Variants in CPNE2 observed in about 807,000 individuals in gnomAD.
The protein encoded by CPNE2 is copine 2.
CPNE2 carries 42 observed loss-of-function variants against 69.7 expected under a neutral mutation model. That is an observed-to-expected ratio of 0.60 (90% confidence interval 0.47 to 0.78). CPNE2 has a LOEUF of 0.78. Among genes scored for constraint, CPNE2 ranks in the 30% least tolerant of loss-of-function variants. CPNE2 has a pLI of 0.00. For missense variants in CPNE2, 587 were observed against 732.0 expected, an observed-to-expected ratio of 0.80 and a Z score of 2.29; for synonymous variants, 294 against 289.8, an observed-to-expected ratio of 1.01 and a Z score of -0.15.
At chr16:57,119,682 C>T in intron 7 of CPNE2, 32 bp downstream of exon 7, 1 of 1,484,160 alleles carries the variant, frequency 6.7e-7, no homozygotes, top group Non-Finnish European at 9.2e-7. Flanking sequence ...TGCTCCCCAC[C>T]TTGCCAGCTC....
chr16:57,100,125 G>T (rs942406127), intron 1 of CPNE2, among the ~76,000 whole-genome samples: 2 of 151,818 alleles, frequency 1.3e-5, no homozygotes, highest in African/African-American at 4.8e-5. Context: ...GCTGGGTCTC[G>T]AACTCCTGAC....
At chr16:57,124,296 G>T in intron 10 of CPNE2, 1 of 425,336 alleles carries the variant, frequency 2.4e-6, no homozygotes, top group South Asian at 1.6e-5. Context: ...TGCCCAGGCT[G>T]GTCTCAAACT....
chr16:57,146,583 A>T lies in CPNE2; in HGVS notation c.1539+262A>T, dbSNP rs1429274943. The stretch of plus-strand genomic sequence containing the variant: ...GGCATCTAGCCTGAGGCTCTGGGGC[A>T]GGGCTTCCTGGAGGACCTGCCCTCT... On this transcript the variant is annotated intron_variant, in intron 15 of 15. Coordinates refer to ENST00000290776, the MANE Select transcript of CPNE2 (RefSeq NM_152727.6). The surrounding 1 kb of genome is among the most constrained non-coding windows in gnomAD (Gnocchi z 4.4). 2.1e-6 allele frequency: 1 copy of T among 479,880 alleles called. No homozygotes were observed. Among genetic ancestry groups the T allele is most frequent in the Non-Finnish European group, 3.8e-6 (1 of 265,714 alleles). 29.7% of individuals were successfully genotyped at this position (479,880 alleles called of 1,614,324 possible).
chr16:57,130,722 C>T lies in CPNE2; in HGVS notation c.1116+2819C>T, dbSNP rs895906768. Among the ~76,000 whole-genome samples the T allele has an allele frequency of 1.3e-4, 20 of 152,036 alleles. No individual in the cohort carries two copies. The highest frequency in any genetic ancestry group is 4.8e-4 in the African/African-American group (20 of 41,410). On this transcript the variant is annotated intron_variant, in intron 12 of 15. Transcript: ENST00000290776. The surrounding 1 kb of genome is among the most constrained non-coding windows in gnomAD (Gnocchi z 4.1). ...GAGAAGAGACCATCCGTTTCACTGA[C>T]CATGGCTGGGGCCATTATGGCAGAG... is the stretch of plus-strand genomic sequence containing the variant.
At chr16:57,111,492 T>C (rs1412100500) in intron 2 of CPNE2, among the ~76,000 whole-genome samples, 1 of 152,236 alleles carries the variant, frequency 6.6e-6, no homozygotes, top group Non-Finnish European at 1.5e-5. Flanking sequence ...TATAAATTGT[T>C]ATATATAGTT....
intron 13 of CPNE2, among the ~76,000 whole-genome samples, chr16:57,135,079 C>T (rs2069868914): frequency 2.0e-5 from 3 of 152,170 alleles, no homozygotes; most frequent in Non-Finnish European, 4.4e-5. Flanking sequence ...TGCCTCCTTA[C>T]CTGCTCCAGG....
chr16:57,098,953 T>C (rs2145232460), intron 1 of CPNE2, among the ~76,000 whole-genome samples: 1 of 152,334 alleles, frequency 6.6e-6, no homozygotes. Context: ...TGTTTTTTGT[T>C]TTTTGTTTTA....
Position 57,119,568 on chromosome 16 carries a change from A to C in CPNE2, c.599A>C (p.Lys200Thr), listed in dbSNP as rs758903696. The change falls in exon 7 of 16, where the codon AAG becomes ACG. Residue 200 changes from lysine (K) to threonine (T), a missense_variant. This residue lies in a region of CPNE2 where 269 missense variants were observed against 300.5 expected (regional missense o/e 0.90). Coordinates refer to ENST00000290776, the MANE Select transcript of CPNE2 (RefSeq NM_152727.6). ...WMLVHRTEVI[K>T]YTLDPVWKPF... Reference sequence around the variant, plus strand: ...TCCCTCTCTGTCCCACAGGTGATCAAGTACACACTGGACCCTGTGTGGAAG... The same window carrying C: ...TCCCTCTCTGTCCCACAGGTGATCACGTACACACTGGACCCTGTGTGGAAG... 19 of 1,612,200 alleles carry C rather than the reference A, an allele frequency of 1.2e-5. No homozygotes were observed. The highest frequency in any genetic ancestry group is 1.6e-5 in the Non-Finnish European group (19 of 1,179,128).
At chr16:57,118,291 G>A (rs1288693816) in intron 5 of CPNE2, among the ~76,000 whole-genome samples, 3 of 148,892 alleles carry the variant, frequency 2.0e-5, no homozygotes, top group Admixed American at 6.7e-5. Context: ...TCAGCCTCCC[G>A]AGTAGCTGGG....
chr16:57,118,573 T>G (rs747989346), intron 5 of CPNE2, among the ~76,000 whole-genome samples: 1 of 151,974 alleles, frequency 6.6e-6, no homozygotes, highest in South Asian at 2.1e-4. Context: ...TCCCAGCTAC[T>G]TGGGAAGCTG....
chr16:57,121,244 G>A (rs1345502154), intron 8 of CPNE2, 53 bp downstream of exon 8: 1 of 1,514,910 alleles, frequency 6.6e-7, no homozygotes, highest in Non-Finnish European at 9.1e-7. Context: ...GCTGGGGGAA[G>A]GGGCACCGGG....
intron 14 of CPNE2, among the ~76,000 whole-genome samples, chr16:57,145,287 G>C (rs2069948919): frequency 6.6e-6 from 1 of 152,196 alleles, no homozygotes; most frequent in Admixed American, 6.5e-5. Flanking sequence ...CTTAGCAAAT[G>C]TTAGAGAGAC....
rs775796680 is a variant in CPNE2, at chr16:57,115,566, C to T, written c.435+16C>T. On this transcript the variant is annotated intron_variant, in intron 4 of 15. Coordinates refer to ENST00000290776, the MANE Select transcript of CPNE2 (RefSeq NM_152727.6). ...CTTGATTACGGTACCAGTCCCCTCCCGGCTCTCCGCACCCCCTCCATCCCC... is the reference window on the plus strand; with the variant it reads ...CTTGATTACGGTACCAGTCCCCTCCTGGCTCTCCGCACCCCCTCCATCCCC... The T allele has an allele frequency of 1.9e-6, 3 of 1,594,828 alleles. No homozygotes were observed. The highest frequency in any genetic ancestry group is 2.3e-5 in the East Asian group (1 of 44,130).
intron 1 of CPNE2, among the ~76,000 whole-genome samples, chr16:57,103,025 A>T (rs913006921): frequency 1.3e-5 from 2 of 152,178 alleles, no homozygotes; most frequent in Non-Finnish European, 2.9e-5. Flanking sequence ...CAGACCTCAC[A>T]TAATGGGTTC....
At chr16:57,124,442 T>A (rs1231474612) in intron 10 of CPNE2, 14 of 450,792 alleles carry the variant, frequency 3.1e-5, no homozygotes, top group Non-Finnish European at 5.4e-5. Flanking sequence ...ATTTGTCGCT[T>A]CTCCCTGATC....
chr16:57,114,934 C>CCAAA (rs1555546226), intron 3 of CPNE2, among the ~76,000 whole-genome samples: 683 of 39,060 alleles, frequency 0.017, 41 homozygotes, highest in Middle Eastern at 0.062. Flanking sequence ...TTGTCTCTAC[C>CCAAA]AAAAAAAAAA....
In CPNE2 at chr16:57,146,219, C is replaced by T. The variant is rs1414085027; in HGVS notation, c.1437C>T (p.Ala479=). ...IVGVGNADFA[A]MEFLDGDSRM... is the part of the protein sequence containing the mutation. ...GCGTGGGCAATGCGGACTTCGCTGCCATGGAGTTCCTGGATGGGGACAGCC... is the reference window on the plus strand; with the variant it reads ...GCGTGGGCAATGCGGACTTCGCTGCTATGGAGTTCCTGGATGGGGACAGCC... The change falls in exon 15 of 16, where the codon GCC becomes GCT. Residue 479 remains alanine (A), a synonymous_variant. Transcript: ENST00000290776. This position sits in a 1 kb window ranked among gnomAD's most constrained non-coding sequence, Gnocchi z 4.4. 6.4e-7 allele frequency: 1 copy of T among 1,565,524 alleles called. No homozygotes were observed. The highest frequency in any genetic ancestry group is 1.2e-5 in the South Asian group (1 of 85,446).
At chr16:57,115,670 T>C in intron 4 of CPNE2, 120 bp downstream of exon 4, 1 of 652,770 alleles carries the variant, frequency 1.5e-6, no homozygotes. Flanking sequence ...AAGGCCCAAC[T>C]TACAACTTAG....
chr16:57,108,253 GA>G (rs1437837389), intron 1 of CPNE2, among the ~76,000 whole-genome samples: 1 of 152,216 alleles, frequency 6.6e-6, no homozygotes, highest in Non-Finnish European at 1.5e-5. Context: ...CCTCTAGAGT[GA>G]ATGAAAGCCT....
Sources: allele counts gnomAD v4.1 joint callset (sites outside exome capture counted in the v4.1 genomes callset), GRCh38; gene constraint gnomAD v4.1.1; regional missense constraint gnomAD v4.1.1; non-coding constraint Gnocchi (gnomAD v3.1); transcripts MANE v1.5; gene names NCBI Gene and HGNC (gene_info 2026-07-23, HGNC 2026-07-21).